The following ACAD10 variants were observed in gnomAD, a reference collection of about 807,000 sequenced individuals.
The protein encoded by ACAD10 is acyl-CoA dehydrogenase family member 10.
In ACAD10, 112 loss-of-function variants were observed where a neutral mutation model predicts 116.8. The ratio of observed to expected loss-of-function variants is 0.96; its 90% CI spans 0.82 to 1.12. The LOEUF (loss-of-function observed/expected upper bound fraction) is 1.12, where lower values mean the gene tolerates loss of function less well. ACAD10 is among the 50% of genes most tolerant of loss of function. The probability of loss-of-function intolerance (pLI) is 0.00; values close to 1 mark genes in which losing one functional copy is unlikely to be tolerated. For synonymous variants in ACAD10, 486 were observed against 510.6 expected (o/e 0.95, Z 0.65); for missense variants, 1,259 against 1,350.2 (o/e 0.93, Z 1.06).
rs970159283 is a variant in ACAD10 at position 111,738,914 on chromosome 12, C to G, written c.1714+1910C>G. 3.0e-5 allele frequency among the ~76,000 whole-genome samples: 4 copies of G among 133,174 alleles called. No homozygotes were observed. In the South Asian group the frequency reaches 7.0e-4, roughly 23 times the overall value. 87.4% of individuals were successfully genotyped at this position (133,174 alleles called of 152,430 possible). ...ATAAATAAGTCCATGAGTAGTGATACAAAAACAAAGAGACAAAGTCTCATT... is the reference window on the plus strand; with the variant it reads ...ATAAATAAGTCCATGAGTAGTGATAGAAAAACAAAGAGACAAAGTCTCATT... On this transcript the variant is annotated intron_variant, in intron 12 of 20. Coordinates refer to ENST00000313698, the MANE Select transcript of ACAD10 (RefSeq NM_025247.6).
rs1430964484 is a variant in ACAD10, at chr12:111,705,839, GGC to G, written c.439_440del (p.Ala147LysfsTer11). 1.2e-6 allele frequency: 2 copies of G among 1,614,134 alleles called. No homozygotes were observed. On this transcript the variant is annotated frameshift_variant, in exon 4 of 21. Coordinates refer to ENST00000313698, the MANE Select transcript of ACAD10 (RefSeq NM_025247.6). LOFTEE classifies it high-confidence loss of function. ...VMTEAITQIR[A>X]KGLQTAVLSN... ...TGACTGAGGCCATAACTCAAATTCGGGCAAAAGGTCTTCAGACTGCAGTCTTG... is the reference window on the plus strand; with the variant it reads ...TGACTGAGGCCATAACTCAAATTCGGAAAAGGTCTTCAGACTGCAGTCTTG...
chr12:111,695,294 G>A (rs1888164194), intron 2 of ACAD10, among the ~76,000 whole-genome samples: 1 of 152,084 alleles, frequency 6.6e-6, no homozygotes, highest in Non-Finnish European at 1.5e-5. Flanking sequence ...GCTTTTAATG[G>A]CAAATTTAAG....
intron 10 of ACAD10, 89 bp from the exon 11 acceptor site, chr12:111,733,834 C>G: frequency 1.3e-6 from 2 of 1,548,198 alleles, no homozygotes; most frequent in Middle Eastern, 2.0e-4. Flanking sequence ...GGGTGGGGAG[C>G]CAAGCCTAAA....
chr12:111,689,661 G>T (rs1427399050), intron 1 of ACAD10, among the ~76,000 whole-genome samples: 1 of 151,768 alleles, frequency 6.6e-6, no homozygotes, highest in African/African-American at 2.4e-5. Context: ...ACAGGCGTCA[G>T]TTACTGTGCC....
At position 111,705,740 on chromosome 12, in the gene ACAD10, A is replaced by G; in HGVS notation, c.339A>G (p.Leu113=). The part of the protein sequence containing the change: ...REFGRLCSEM[L]KTSVPVDSFF... ...CCTGTGCCCTCTCCTGTTCTTAGTT[A>G]AAGACCTCCGTGCCTGTGGACTCAT... The change falls in exon 4 of 21, where the codon TTA becomes TTG. Residue 113 remains leucine, a splice_region_variant and synonymous_variant. Transcript: ENST00000313698. 1 of 1,613,686 alleles carries G rather than the reference A, an allele frequency of 6.2e-7. No homozygotes were observed. The highest frequency in any genetic ancestry group is 8.5e-7 in the Non-Finnish European group (1 of 1,179,780).
At position 111,745,003 on chromosome 12, in the gene ACAD10, C is replaced by G. The variant is rs759854443; in HGVS notation, c.2075C>G (p.Ala692Gly). The G allele has an allele frequency of 2.7e-5, 43 of 1,613,862 alleles. No individual in the cohort carries two copies. The Admixed American group carries it at 7.2e-4, about 27-fold the overall frequency. Residue 692 changes from alanine to glycine, a missense_variant, in exon 13 of 21, where the codon GCA becomes GGA. Transcript: ENST00000313698. ...EPELQSHQAS[A>G]ARWSPSPLIE... ...GAGCTGCAGAGTCACCAGGCCTCAG[C>G]AGCCAGGTGGAGCCCCTCCCCACTG...
intron 13 of ACAD10, 147 bp downstream of exon 13, chr12:111,745,190 C>A: frequency 1.1e-6 from 1 of 919,978 alleles, no homozygotes; most frequent in Non-Finnish European, 1.6e-6. Context: ...CAGAAAGAGC[C>A]AGCTCTTCAT....
chr12:111,747,371 A>T lies in ACAD10; in HGVS notation c.2471A>T (p.Lys824Ile). The change falls in exon 16 of 21, where the codon AAA (lysine) becomes ATA (isoleucine). Residue 824 changes from lysine to isoleucine, a missense_variant. Coordinates refer to ENST00000313698, the MANE Select transcript of ACAD10 (RefSeq NM_025247.6). ...AGCTTCTATGTCATAAACGGTCACA[A>T]ATGGTGGATCACAGGTATTTGGCCT... is the stretch of plus-strand genomic sequence containing the variant. ...EDSFYVINGH[K>I]WWITGILDPR... The T allele has an allele frequency of 6.2e-7, 1 of 1,614,130 alleles. No individual in the cohort carries two copies. Among genetic ancestry groups the T allele is most frequent in the South Asian group, 1.1e-5 (1 of 91,084 alleles).
At chr12:111,748,497 C>T in intron 17 of ACAD10, 22 bp downstream of exon 17, 1 of 1,611,942 alleles carries the variant, frequency 6.2e-7, no homozygotes, top group Non-Finnish European at 8.5e-7. Context: ...AGGGGCGGGT[C>T]ACCCCTGGGT....
At chr12:111,748,974 C>T (rs1344051036) in intron 17 of ACAD10, 199 bp from the exon 18 acceptor site, 1 of 1,566,460 alleles carries the variant, frequency 6.4e-7, no homozygotes, top group Non-Finnish European at 8.7e-7. Context: ...AGTCATTTGC[C>T]ATTATAAATC....
intron 12 of ACAD10, among the ~76,000 whole-genome samples, chr12:111,743,306 CAG>C (rs895079473): frequency 6.6e-6 from 1 of 150,962 alleles, no homozygotes; most frequent in Non-Finnish European, 1.5e-5. Context: ...TGCTGGGGAT[CAG>C]GGGGGCAGGG....
intron 3 of ACAD10, among the ~76,000 whole-genome samples, chr12:111,705,327 G>A (rs1386591611): frequency 6.6e-6 from 1 of 151,996 alleles, no homozygotes; most frequent in Non-Finnish European, 1.5e-5. Flanking sequence ...CCAGGCTCAA[G>A]CCATCCTCCC....
intron 11 of ACAD10, among the ~76,000 whole-genome samples, chr12:111,735,192 C>G (rs891271329): frequency 1.5e-4 from 22 of 147,732 alleles, no homozygotes; most frequent in Admixed American, 4.8e-4. Flanking sequence ...CCACTGCACT[C>G]GAGCCTAGGC....
Position 111,709,563 on chromosome 12 carries a change from AC to A in ACAD10, c.572del (p.Pro191LeufsTer28). ...TGCATGGAAGGGATCTGTAAGCCAG[AC>A]CCTAGGATCTACAAGCTGTGCTTGG... Reference protein sequence around the residue: ...ESCMEGICKPDPRIYKLCLEQ... With the variant: ...ESCMEGICKPXPRIYKLCLEQ... On this transcript the variant is annotated frameshift_variant, in exon 5 of 21. Coordinates refer to ENST00000313698, the MANE Select transcript of ACAD10 (RefSeq NM_025247.6). LOFTEE classifies it high-confidence loss of function. The A allele has an allele frequency of 6.2e-7, 1 of 1,610,428 alleles. No individual in the cohort carries two copies. The highest frequency in any genetic ancestry group is 1.1e-5 in the South Asian group (1 of 90,414).
chr12:111,744,736 G>A lies in ACAD10; in HGVS notation c.1808G>A (p.Arg603Gln), dbSNP rs752111671. ...AWDFAVKEGF[R>Q]VFKEMPFTNP... Reference sequence around the variant, plus strand: ...GATTTCGCAGTCAAAGAAGGGTTCCGGGTTTTCAAAGAGATGCCCTTCACA... The same window carrying A: ...GATTTCGCAGTCAAAGAAGGGTTCCAGGTTTTCAAAGAGATGCCCTTCACA... Residue 603 changes from arginine to glutamine, a missense_variant, in exon 13 of 21, where the codon CGG (arginine) becomes CAG (glutamine). By Grantham distance (43) the Arg-to-Gln change is conservative. Coordinates refer to ENST00000313698, the MANE Select transcript of ACAD10 (RefSeq NM_025247.6). 3.0e-5 allele frequency: 49 copies of A among 1,614,100 alleles called. No individual in the cohort carries two copies. Among genetic ancestry groups the A allele is most frequent in the Admixed American group, 3.0e-4 (18 of 59,996 alleles).
Position 111,705,795 on chromosome 12 carries a change from G to A in ACAD10, c.394G>A (p.Ala132Thr), listed in dbSNP as rs1271634249. 1 of 1,614,064 alleles carries A rather than the reference G, an allele frequency of 6.2e-7. No individual in the cohort carries two copies. Among genetic ancestry groups the A allele is most frequent in the Non-Finnish European group, 8.5e-7 (1 of 1,180,054 alleles). The stretch of plus-strand genomic sequence containing the variant: ...CTCTCTGTTGACCAGTGAGCGAGTG[G>A]CAAAGCAGTTCCCAGTGATGACTGA... ...FFSLLTSERVAKQFPVMTEAI... is the reference protein window; with the variant it reads ...FFSLLTSERVTKQFPVMTEAI... Residue 132 changes from alanine to threonine, a missense_variant, in exon 4 of 21, where the codon GCA becomes ACA. Coordinates refer to ENST00000313698, the MANE Select transcript of ACAD10 (RefSeq NM_025247.6).
chr12:111,724,421 G>A (rs1457390904), intron 8 of ACAD10, among the ~76,000 whole-genome samples: 2 of 152,208 alleles, frequency 1.3e-5, no homozygotes, highest in African/African-American at 2.4e-5. Context: ...GGCAGAGGCT[G>A]CAATCTCAGC....
rs150790771 is a variant in ACAD10 at position 111,721,720 on chromosome 12, G to A, written c.1042G>A (p.Asp348Asn). The change falls in exon 8 of 21, where the codon GAT becomes AAT. Residue 348 changes from aspartate (D) to asparagine (N), a missense_variant. Coordinates refer to ENST00000313698, the MANE Select transcript of ACAD10 (RefSeq NM_025247.6). ...TGGAGTACCTGTCCCTAACGTTCTT[G>A]ATCTCTGTGAAGATTCAAGGTAAAG... ...NAGVPVPNVL[D>N]LCEDSSVIGT... 2.5e-6 allele frequency: 4 copies of A among 1,599,358 alleles called. No individual in the cohort carries two copies. The highest frequency in any genetic ancestry group is 3.4e-6 in the Non-Finnish European group (4 of 1,169,070).
intron 17 of ACAD10, 106 bp from the exon 18 acceptor site, chr12:111,749,057 GGCTAAATAAA>G (rs752196512): frequency 5.0e-6 from 8 of 1,613,118 alleles, no homozygotes; most frequent in Non-Finnish European, 6.8e-6. Flanking sequence ...CCAGTAAGAA[GGCTAAATAAA>G]GGGCAGGGAC....
Sources: allele counts gnomAD v4.1 joint callset (sites outside exome capture counted in the v4.1 genomes callset), GRCh38; gene constraint gnomAD v4.1.1; transcripts MANE v1.5; gene names NCBI Gene and HGNC (gene_info 2026-07-23, HGNC 2026-07-21).